GPHN: variants seen among roughly 807,000 people sequenced by gnomAD.
GPHN encodes gephyrin.
A neutral mutation model predicts 95.5 loss-of-function variants in GPHN; 17 were observed. The ratio of observed to expected loss-of-function variants is 0.18; its 90% CI spans 0.12 to 0.27. The LOEUF is 0.27. Among genes scored for constraint, GPHN ranks in the 10% least tolerant of loss-of-function variants. The probability of loss-of-function intolerance (pLI) is 1.00; values close to 1 mark genes in which losing one functional copy is unlikely to be tolerated. For missense variants in GPHN, 660 were observed against 978.1 expected, an observed-to-expected ratio of 0.67 and a Z score of 4.34; for synonymous variants, 320 against 322.5, an observed-to-expected ratio of 0.99 and a Z score of 0.08.
At chr14:67,341,511 TG>T in the GPHN span, among the ~76,000 whole-genome samples, 45 of 123,854 alleles carry the variant, frequency 3.6e-4, no homozygotes, top group African/African-American at 1.2e-3. Context: ...GGGAGGGAGG[TG>T]GGGGGGGTCA....
At chr14:67,360,953 A>G in the GPHN span, among the ~76,000 whole-genome samples, 1 of 152,216 alleles carries the variant, frequency 6.6e-6, no homozygotes, top group African/African-American at 2.4e-5. Flanking sequence ...CGTGTTGGAA[A>G]GAGCGGGGTC....
At chr14:66,608,947 C>T (rs73281649) in intron 1 of GPHN, among the ~76,000 whole-genome samples, 22,706 of 152,048 alleles carry the variant, frequency 0.15, 3,219 homozygotes, top group East Asian at 0.43. Flanking sequence ...GCTTGCCATC[C>T]TATGCCTTTT....
chr14:67,637,197 G>A, the GPHN span, among the ~76,000 whole-genome samples: 1 of 151,784 alleles, frequency 6.6e-6, no homozygotes, highest in Non-Finnish European at 1.5e-5. Flanking sequence ...ATCACTTGAG[G>A]TCAGGAGTTC....
rs76865354 is a variant in GPHN, at chr14:66,671,543, T to C, written c.65-9564T>C. On this transcript the variant is annotated intron_variant, in intron 1 of 22. Transcript: ENST00000478722. ...GTTAAATGACTATCGTAATATAAGT[T>C]TTGCATATAATCATTGTTTTGGCTT... Among the ~76,000 whole-genome samples, 11 of 152,306 alleles carry C rather than the reference T, an allele frequency of 7.2e-5. No homozygotes were observed. The East Asian group carries it at 2.1e-3, about 29-fold the overall frequency.
the GPHN span, among the ~76,000 whole-genome samples, chr14:67,284,875 A>T: frequency 6.6e-6 from 1 of 151,756 alleles, no homozygotes; most frequent in Non-Finnish European, 1.5e-5. Context: ...AATATACCAC[A>T]TCTTGTTTTT....
chr14:67,279,594 A>G, the GPHN span: 7 of 1,440,886 alleles, frequency 4.9e-6, no homozygotes, highest in African/African-American at 1.4e-5. Flanking sequence ...TCTGTGCCTT[A>G]TAATGTATAT....
At chr14:67,164,917 GAAA>G (rs1166963179) in intron 19 of GPHN, among the ~76,000 whole-genome samples, 1 of 131,942 alleles carries the variant, frequency 7.6e-6, no homozygotes, top group African/African-American at 2.8e-5. Flanking sequence ...GCACTGGCAA[GAAA>G]AAAAAAAAAA....
At chr14:67,060,633 G>A (rs557690311) in intron 11 of GPHN, among the ~76,000 whole-genome samples, 7 of 152,326 alleles carry the variant, frequency 4.6e-5, no homozygotes, top group African/African-American at 1.7e-4. Flanking sequence ...CCTGCCCCAT[G>A]GATTTCATAG....
the GPHN span, chr14:67,656,382 A>G: frequency 1.3e-6 from 2 of 1,537,988 alleles, no homozygotes; most frequent in Non-Finnish European, 1.8e-6. Context: ...TAATTACCCC[A>G]TACTTGCCCC....
intron 8 of GPHN, among the ~76,000 whole-genome samples, chr14:66,949,682 T>C (rs568868023): frequency 5.9e-5 from 9 of 152,178 alleles, no homozygotes; most frequent in Middle Eastern, 3.2e-3. Context: ...AACATTAAAT[T>C]CAAATAACAG....
At chr14:67,155,580 CAA>C (rs1203603967) in intron 18 of GPHN, among the ~76,000 whole-genome samples, 2 of 151,994 alleles carry the variant, frequency 1.3e-5, no homozygotes, top group Non-Finnish European at 2.9e-5. Context: ...TCATAAGAAT[CAA>C]ATTGAAATTT....
chr14:67,727,535 T>C, the GPHN span: 1 of 326,088 alleles, frequency 3.1e-6, no homozygotes, highest in Non-Finnish European at 5.9e-6. Flanking sequence ...CAGGCTGGAG[T>C]GCAGTAGTGC....
intron 5 of GPHN, among the ~76,000 whole-genome samples, chr14:66,910,244 G>A (rs899904261): frequency 6.6e-6 from 1 of 151,762 alleles, no homozygotes; most frequent in Non-Finnish European, 1.5e-5. Context: ...CAAATAAAGA[G>A]ACTTTATCTC....
the GPHN span, among the ~76,000 whole-genome samples, chr14:67,425,087 T>G: frequency 6.6e-6 from 1 of 152,226 alleles, no homozygotes; most frequent in Admixed American, 6.5e-5. Context: ...GTTTGCTTTG[T>G]TTTGGTTTGG....
intron 9 of GPHN, among the ~76,000 whole-genome samples, chr14:66,988,497 A>T (rs537871548): frequency 5.8e-4 from 89 of 152,212 alleles, no homozygotes; most frequent in Non-Finnish European, 1.0e-3. Context: ...GCAAGTAGAC[A>T]CATTTGTTCT....
At chr14:66,925,539 T>G (rs561278230) in intron 8 of GPHN, among the ~76,000 whole-genome samples, 1 of 152,314 alleles carries the variant, frequency 6.6e-6, no homozygotes, top group Non-Finnish European at 1.5e-5. Flanking sequence ...AGTTTGTCTT[T>G]TTGTGCCTGG....
the GPHN span, among the ~76,000 whole-genome samples, chr14:67,711,640 G>C: frequency 6.6e-6 from 1 of 152,112 alleles, no homozygotes; most frequent in South Asian, 2.1e-4. Flanking sequence ...ACATCTTATA[G>C]ATTCATAAAG....
chr14:67,081,570 T>G (rs1216392064), intron 11 of GPHN, among the ~76,000 whole-genome samples: 3 of 152,236 alleles, frequency 2.0e-5, no homozygotes, highest in African/African-American at 7.2e-5. Context: ...TTGCTGATTG[T>G]TTCTTTTGCT....
At chr14:67,517,434 A>G in the GPHN span, among the ~76,000 whole-genome samples, 1 of 152,260 alleles carries the variant, frequency 6.6e-6, no homozygotes, top group African/African-American at 2.4e-5. Flanking sequence ...GCAAAAATGT[A>G]TGAATTTCTT....
Sources: gnomAD v4.1 joint callset for allele counts (sites outside exome capture counted in the v4.1 genomes callset) on GRCh38, gnomAD v4.1.1 for gene constraint, MANE v1.5 for transcripts, NCBI Gene and HGNC (gene_info 2026-07-23, HGNC 2026-07-21) for gene names.